Variants in SNTB1 observed in about 807,000 individuals in gnomAD.
SNTB1 encodes the protein syntrophin beta 1, also known as beta-1-syntrophin.
In SNTB1, 36 loss-of-function variants were observed where a neutral mutation model predicts 48.9. The observed-to-expected ratio is 0.74, with a 90% CI of 0.56 to 0.97. SNTB1 has a LOEUF of 0.97. SNTB1 is among the 50% of genes least tolerant of loss of function. The pLI, the probability that SNTB1 is intolerant of heterozygous loss-of-function variation, is 0.00. For synonymous variants in SNTB1, 299 were observed against 294.6 expected (o/e 1.01, Z -0.15); for missense variants, 786 against 703.4 (o/e 1.12, Z -1.33).
intron 1 of SNTB1, among the ~76,000 whole-genome samples, chr8:120,709,660 C>T (rs1360154748): frequency 1.3e-5 from 2 of 152,026 alleles, no homozygotes; most frequent in African/African-American, 4.8e-5. Context: ...TACCTAAGAC[C>T]CTACAGCCTC....
intron 2 of SNTB1, among the ~76,000 whole-genome samples, chr8:120,651,590 C>T (rs1261156152): frequency 1.3e-5 from 2 of 152,074 alleles, no homozygotes; most frequent in East Asian, 1.9e-4. Flanking sequence ...TGATAACATA[C>T]CCCAAAAGAA....
At chr8:120,559,915 T>C (rs892140693) in intron 4 of SNTB1, among the ~76,000 whole-genome samples, 3 of 145,418 alleles carry the variant, frequency 2.1e-5, no homozygotes, top group Non-Finnish European at 4.5e-5. Context: ...TCCCAGCAGA[T>C]GCCACAATGC....
rs138927193 is a variant in SNTB1, at chr8:120,652,028, G to A, written c.789-19377C>T. 4.8e-3 allele frequency among the ~76,000 whole-genome samples: 730 copies of A among 152,286 alleles called. 4 individuals carry two copies. Among genetic ancestry groups the A allele is most frequent in the Non-Finnish European group, 8.0e-3 (546 of 68,026 alleles). On this transcript the variant is annotated intron_variant, in intron 2 of 6. Transcript: ENST00000517992. ...CAAAATTGGAAGGGAGATTTTTACT[G>A]TATAACTTTGTATCTTTTAAATTTT... is the stretch of plus-strand genomic sequence containing the variant.
At chr8:120,628,815 T>C (rs1816928636) in intron 3 of SNTB1, among the ~76,000 whole-genome samples, 1 of 151,942 alleles carries the variant, frequency 6.6e-6, no homozygotes, top group Admixed American at 6.6e-5. Flanking sequence ...TTTACATTGA[T>C]GTGCATGACC....
At position 120,548,972 on chromosome 8, in the gene SNTB1, G is replaced by C; in HGVS notation, c.1137-14C>G. On this transcript the variant is annotated splice_polypyrimidine_tract_variant and intron_variant, in intron 4 of 6. Coordinates refer to ENST00000517992, the MANE Select transcript of SNTB1 (RefSeq NM_021021.4). ...GAATGGACCAGCCTGGAGAGAGAGA[G>C]AGAGAGACATCATCAAAATGGAGAC... The C allele has an allele frequency of 1.3e-6, 2 of 1,533,700 alleles. No individual in the cohort carries two copies. The highest frequency in any genetic ancestry group is 1.3e-5 in the South Asian group (1 of 77,714).
At chr8:120,699,931 TA>T (rs1563855178) in intron 1 of SNTB1, among the ~76,000 whole-genome samples, 1 of 152,158 alleles carries the variant, frequency 6.6e-6, no homozygotes, top group Non-Finnish European at 1.5e-5. Context: ...AACAATCAAT[TA>T]AAAAAACATG....
chr8:120,567,660 A>T (rs1490269885), intron 4 of SNTB1, among the ~76,000 whole-genome samples: 1 of 151,970 alleles, frequency 6.6e-6, no homozygotes, highest in African/African-American at 2.4e-5. Context: ...GGCTCAAGCA[A>T]TCCTCCCACC....
rs576708872 is a variant in SNTB1, at chr8:120,582,599, G to T, written c.997-7374C>A. On this transcript the variant is annotated intron_variant, in intron 3 of 6. Coordinates refer to ENST00000517992, the MANE Select transcript of SNTB1 (RefSeq NM_021021.4). ...AATATCAGAAATGAAATGAGTTCAT[G>T]TCCTTTGCAGGGACATGGATGAAGC... Among the ~76,000 whole-genome samples the T allele has an allele frequency of 1.6e-4, 24 of 152,252 alleles. 1 individual carries two copies. The South Asian group carries it at 4.8e-3, about 30-fold the overall frequency.
chr8:120,803,590 A>G (rs1256258020), intron 1 of SNTB1, among the ~76,000 whole-genome samples: 1 of 152,190 alleles, frequency 6.6e-6, no homozygotes, highest in East Asian at 1.9e-4. Context: ...TGGTAGATTC[A>G]GCTAGAAGCT....
At chr8:120,567,670 C>T (rs1046197873) in intron 4 of SNTB1, among the ~76,000 whole-genome samples, 2 of 152,046 alleles carry the variant, frequency 1.3e-5, no homozygotes, top group Admixed American at 1.3e-4. Flanking sequence ...ATCCTCCCAC[C>T]TCAGCCTCCC....
At chr8:120,645,979 GT>G (rs1817290473) in intron 2 of SNTB1, among the ~76,000 whole-genome samples, 1 of 148,540 alleles carries the variant, frequency 6.7e-6, no homozygotes, top group Non-Finnish European at 1.5e-5. Context: ...TGTTGTTGGT[GT>G]ATAAGAATGC....
At chr8:120,633,404 A>C (rs933212997) in intron 2 of SNTB1, among the ~76,000 whole-genome samples, 1 of 152,074 alleles carries the variant, frequency 6.6e-6, no homozygotes, top group Non-Finnish European at 1.5e-5. Context: ...TCAGGAGTTC[A>C]AGACCAGCCT....
intron 2 of SNTB1, among the ~76,000 whole-genome samples, chr8:120,693,453 T>A (rs1321377931): frequency 1.3e-5 from 2 of 152,254 alleles, no homozygotes; most frequent in Non-Finnish European, 2.9e-5. Context: ...TTTAGGATGC[T>A]GATTCCAGTT....
At chr8:120,744,649 T>C (rs2130015154) in intron 1 of SNTB1, among the ~76,000 whole-genome samples, 1 of 152,290 alleles carries the variant, frequency 6.6e-6, no homozygotes, top group Non-Finnish European at 1.5e-5. Context: ...TTGGTAGGTT[T>C]TTTCTGGACA....
intron 2 of SNTB1, among the ~76,000 whole-genome samples, chr8:120,676,599 T>C (rs1817839101): frequency 6.6e-6 from 1 of 152,188 alleles, no homozygotes; most frequent in Non-Finnish European, 1.5e-5. Flanking sequence ...TGCTGGTATA[T>C]AGCAGTTAGT....
At chr8:120,601,815 G>A (rs145220645) in intron 3 of SNTB1, among the ~76,000 whole-genome samples, 2 of 152,268 alleles carry the variant, frequency 1.3e-5, no homozygotes, top group African/African-American at 2.4e-5. Flanking sequence ...TACAAGACGC[G>A]CATGCCAACC....
At chr8:120,724,384 G>C (rs1006099333) in intron 1 of SNTB1, among the ~76,000 whole-genome samples, 1 of 152,208 alleles carries the variant, frequency 6.6e-6, no homozygotes, top group East Asian at 1.9e-4. Flanking sequence ...TAAGGGGTAT[G>C]TGTCTCCTGA....
At chr8:120,557,341 G>A (rs568878989) in intron 4 of SNTB1, among the ~76,000 whole-genome samples, 1 of 152,286 alleles carries the variant, frequency 6.6e-6, no homozygotes, top group East Asian at 1.9e-4. Flanking sequence ...TAATCTAGGC[G>A]AGAAAACCAT....
At chr8:120,714,514 A>G (rs564709018) in intron 1 of SNTB1, among the ~76,000 whole-genome samples, 1 of 152,078 alleles carries the variant, frequency 6.6e-6, no homozygotes, top group Non-Finnish European at 1.5e-5. Flanking sequence ...AACATTCTTC[A>G]TTAGAAGCAG....
Sources: allele counts gnomAD v4.1 joint callset (sites outside exome capture counted in the v4.1 genomes callset), GRCh38; gene constraint gnomAD v4.1.1; transcripts MANE v1.5; gene names NCBI Gene and HGNC (gene_info 2026-07-23, HGNC 2026-07-21).